The following MAGI2 variants were observed in gnomAD, a reference collection of about 807,000 sequenced individuals.
The protein encoded by MAGI2 is membrane-associated guanylate kinase, WW and PDZ domain-containing protein 2.
MAGI2 carries 35 observed loss-of-function variants against 133.3 expected under a neutral mutation model. The ratio of observed to expected loss-of-function variants is 0.26; its 90% CI spans 0.20 to 0.35. The LOEUF (loss-of-function observed/expected upper bound fraction) is 0.35, where lower values mean the gene tolerates loss of function less well. Among genes scored for constraint, MAGI2 ranks in the 10% least tolerant of loss-of-function variants. The pLI is 1.00. For missense variants in MAGI2, 1,636 were observed against 1,863.4 expected (o/e 0.88, Z 2.25); for synonymous variants, 729 against 710.6 (o/e 1.03, Z -0.41).
chr7:78,971,288 C>G (rs1009405708), intron 2 of MAGI2, among the ~76,000 whole-genome samples: 5 of 151,938 alleles, frequency 3.3e-5, no homozygotes, highest in Admixed American at 6.6e-5. Context: ...CCCATTGTCT[C>G]TCTTCAAAGA....
intron 2 of MAGI2, among the ~76,000 whole-genome samples, chr7:78,685,666 G>A (rs61550671): frequency 0.22 from 32,402 of 150,554 alleles, 3,547 homozygotes; most frequent in Middle Eastern, 0.25. Context: ...GTGTGTGTGT[G>A]TATATATAGG....
intron 4 of MAGI2, among the ~76,000 whole-genome samples, chr7:78,508,905 A>C (rs924835354): frequency 1.6e-5 from 2 of 121,566 alleles, no homozygotes; most frequent in Non-Finnish European, 3.4e-5. Context: ...TTTTTTTTTG[A>C]GACGGGGTCT....
At chr7:78,138,634 C>T (rs879721553) in intron 16 of MAGI2, among the ~76,000 whole-genome samples, 20,314 of 92,376 alleles carry the variant, frequency 0.22, 1,689 homozygotes, top group African/African-American at 0.27. Flanking sequence ...TTCACACACA[C>T]ACACACACAC....
intron 1 of MAGI2, among the ~76,000 whole-genome samples, chr7:79,308,951 TA>T (rs1838038497): frequency 6.6e-6 from 1 of 151,450 alleles, no homozygotes; most frequent in Non-Finnish European, 1.5e-5. Flanking sequence ...AACATTTTTT[TA>T]AACTTTACCC....
chr7:79,128,809 GA>G (rs1164543947), intron 1 of MAGI2, among the ~76,000 whole-genome samples: 3 of 152,142 alleles, frequency 2.0e-5, no homozygotes, highest in Non-Finnish European at 4.4e-5. Context: ...ATCGTAAGTT[GA>G]AAATTTCCTT....
intron 1 of MAGI2, among the ~76,000 whole-genome samples, chr7:79,153,673 A>G (rs1170980347): frequency 6.6e-6 from 1 of 152,188 alleles, no homozygotes; most frequent in Non-Finnish European, 1.5e-5. Flanking sequence ...GGATGGGCTG[A>G]CCCTAAGCAT....
intron 13 of MAGI2, among the ~76,000 whole-genome samples, chr7:78,182,278 C>G (rs976374248): frequency 5.9e-5 from 9 of 152,112 alleles, no homozygotes; most frequent in Non-Finnish European, 1.2e-4. Context: ...TCTATGCACT[C>G]CAGATATAGA....
At position 78,132,980 on chromosome 7, in the gene MAGI2, G is replaced by T; in HGVS notation, c.3112C>A (p.Pro1038Thr). 2 of 1,612,752 alleles carry T rather than the reference G, an allele frequency of 1.2e-6. No individual in the cohort carries two copies. The highest frequency in any genetic ancestry group is 1.7e-6 in the Non-Finnish European group (2 of 1,179,556). Residue 1038 changes from proline (P) to threonine (T), a missense_variant, in exon 18 of 22, where the codon CCC becomes ACC. By Grantham distance (38) the Pro-to-Thr change is conservative. Coordinates refer to ENST00000354212, the MANE Select transcript of MAGI2 (RefSeq NM_012301.4). Reference protein sequence around the residue: ...AQQSPLAQQSPLAQPSPATPN... With the variant: ...AQQSPLAQQSTLAQPSPATPN... ...GTGGCTGGGCTTGGCTGGGCCAGGG[G>T]ACTCTGCTGTGCCAGGGGACTCTGC...
intron 3 of MAGI2, among the ~76,000 whole-genome samples, chr7:78,579,443 C>G (rs1370018784): frequency 6.6e-6 from 1 of 152,100 alleles, no homozygotes; most frequent in African/African-American, 2.4e-5. Flanking sequence ...TACCTAAAAG[C>G]AGGATATAGA....
intron 1 of MAGI2, among the ~76,000 whole-genome samples, chr7:79,239,584 T>C (rs1044754076): frequency 1.3e-5 from 2 of 152,172 alleles, no homozygotes; most frequent in Non-Finnish European, 2.9e-5. Flanking sequence ...ATGTGTAGCT[T>C]CTGAGAAAGA....
chr7:79,187,205 TTA>T (rs1371391448), intron 1 of MAGI2, among the ~76,000 whole-genome samples: 1 of 151,766 alleles, frequency 6.6e-6, no homozygotes, highest in East Asian at 1.9e-4. Context: ...TGTATATAAT[TTA>T]GTTTGAAATT....
At chr7:78,152,260 T>C (rs1484273455) in intron 16 of MAGI2, among the ~76,000 whole-genome samples, 3 of 152,134 alleles carry the variant, frequency 2.0e-5, no homozygotes, top group Non-Finnish European at 4.4e-5. Flanking sequence ...AAGAGAAGCA[T>C]ACCAAGTGAC....
chr7:79,384,365 A>G (rs848946), intron 1 of MAGI2, among the ~76,000 whole-genome samples: 16 of 142,880 alleles, frequency 1.1e-4, no homozygotes, highest in Non-Finnish European at 2.0e-4. Flanking sequence ...TGAAAGCACC[A>G]GAAGAAAGTC....
At chr7:78,887,964 G>A (rs1400516718) in intron 2 of MAGI2, among the ~76,000 whole-genome samples, 9 of 152,190 alleles carry the variant, frequency 5.9e-5, no homozygotes, top group Non-Finnish European at 1.2e-4. Flanking sequence ...AGGGGTCAGG[G>A]AATTCCCTTT....
intron 1 of MAGI2, among the ~76,000 whole-genome samples, chr7:79,194,275 A>T (rs527387208): frequency 7.9e-5 from 12 of 152,134 alleles, no homozygotes; most frequent in African/African-American, 2.9e-4. Flanking sequence ...GAGACAACAC[A>T]CCTTTTTGTT....
intron 1 of MAGI2, among the ~76,000 whole-genome samples, chr7:79,105,440 T>C (rs929808963): frequency 1.8e-4 from 27 of 152,156 alleles, no homozygotes; most frequent in African/African-American, 5.8e-4. Context: ...GCGATTTACT[T>C]GCACCATATA....
chr7:78,052,411 G>A (rs990302580), intron 21 of MAGI2, among the ~76,000 whole-genome samples: 2 of 152,052 alleles, frequency 1.3e-5, no homozygotes, highest in African/African-American at 2.4e-5. Context: ...TACACCTTCC[G>A]CCAGGAGTGG....
chr7:79,361,744 C>A (rs944499942), intron 1 of MAGI2, among the ~76,000 whole-genome samples: 1 of 152,192 alleles, frequency 6.6e-6, no homozygotes. Context: ...AGGATATATT[C>A]TTTTAACATA....
chr7:78,603,404 T>A (rs762309969), intron 3 of MAGI2, among the ~76,000 whole-genome samples: 9 of 152,172 alleles, frequency 5.9e-5, no homozygotes, highest in Non-Finnish European at 1.3e-4. Flanking sequence ...AGCTCTGATG[T>A]CATTTAGGAT....
Sources: gnomAD v4.1 joint callset for allele counts (sites outside exome capture counted in the v4.1 genomes callset) on GRCh38, gnomAD v4.1.1 for gene constraint, MANE v1.5 for transcripts, NCBI Gene and HGNC (gene_info 2026-07-23, HGNC 2026-07-21) for gene names.